Variants in SAMD5 observed in about 807,000 individuals in gnomAD.
The protein encoded by SAMD5 is sterile alpha motif domain containing 5, also known as sterile alpha motif domain-containing protein 5.
A neutral mutation model predicts 11.3 loss-of-function variants in SAMD5; 13 were observed. The ratio of observed to expected loss-of-function variants is 1.15; its 90% CI spans 0.75 to 1.83. The LOEUF is 1.83. SAMD5 is among the 40% of genes most tolerant of loss of function. The pLI is 0.00. For missense variants in SAMD5, 255 were observed against 239.1 expected (o/e 1.07, Z -0.44); for synonymous variants, 129 against 111.3 (o/e 1.16, Z -1.00).
chr6:147,612,229 G>A lies in SAMD5; in HGVS notation c.162+102842G>A, dbSNP rs140205783. Among the ~76,000 whole-genome samples the A allele has an allele frequency of 1.3e-3, 197 of 152,240 alleles. 1 individual carries two copies. The highest frequency in any genetic ancestry group is 4.2e-3 in the African/African-American group (175 of 41,542). ...TGGTTTCCATATGGTGACACATGGAGGAACACTGTCGGTTGGCAGAGACTG... is the reference window on the plus strand; with the variant it reads ...TGGTTTCCATATGGTGACACATGGAAGAACACTGTCGGTTGGCAGAGACTG... On this transcript the variant is annotated intron_variant, in intron 1 of 1. Transcript: ENST00000566741.
the SAMD5 span, among the ~76,000 whole-genome samples, chr6:147,826,538 C>T: frequency 5.3e-5 from 8 of 152,114 alleles, no homozygotes; most frequent in South Asian, 2.1e-4. Context: ...TTTACTCCTC[C>T]GAAGATCACC....
chr6:147,655,547 T>A (rs1790553167), intron 1 of SAMD5, among the ~76,000 whole-genome samples: 3 of 152,198 alleles, frequency 2.0e-5, no homozygotes, highest in Non-Finnish European at 2.9e-5. Context: ...CAGAGTGACT[T>A]TATTAATCAG....
At chr6:147,769,897 G>C in the SAMD5 span, among the ~76,000 whole-genome samples, 1 of 152,206 alleles carries the variant, frequency 6.6e-6, no homozygotes, top group South Asian at 2.1e-4. Context: ...CTGTGAGTTT[G>C]AAATGGCGCA....
Position 147,568,039 on chromosome 6 carries a change from T to C in SAMD5, c.*3583T>C. 1.0e-6 allele frequency: 1 copy of C among 985,426 alleles called. No homozygotes were observed. Among genetic ancestry groups the C allele is most frequent in the Non-Finnish European group, 1.2e-6 (1 of 829,916 alleles). The allele number at this position is 985,426 out of a possible 1,614,324, so 61.0% of individuals were successfully genotyped here. ...TATTTCATTAGCTTTCTTCTCTTTA[T>C]GGCAGCTTCAGATTGATGAATTTGA... On this transcript the variant is annotated 3_prime_UTR_variant, in exon 2 of 2. Coordinates refer to ENST00000367474, the MANE Select transcript of SAMD5 (RefSeq NM_001030060.3).
At chr6:147,904,262 G>A in the SAMD5 span, among the ~76,000 whole-genome samples, 1 of 152,174 alleles carries the variant, frequency 6.6e-6, no homozygotes, top group African/African-American at 2.4e-5. Context: ...CCATTGGCGT[G>A]TGCATGAAAA....
chr6:147,660,357 G>C (rs1790630563), intron 1 of SAMD5, among the ~76,000 whole-genome samples: 1 of 152,144 alleles, frequency 6.6e-6, no homozygotes, highest in African/African-American at 2.4e-5. Flanking sequence ...GGGATTTACA[G>C]AGGGACGTGC....
At chr6:147,530,148 AGG>A (rs1788406110) in intron 1 of SAMD5, among the ~76,000 whole-genome samples, 1 of 152,248 alleles carries the variant, frequency 6.6e-6, no homozygotes, top group South Asian at 2.1e-4. Flanking sequence ...AACATATTAG[AGG>A]TTTCGCTGCA....
At chr6:147,744,143 A>G in the SAMD5 span, among the ~76,000 whole-genome samples, 1 of 152,224 alleles carries the variant, frequency 6.6e-6, no homozygotes, top group Admixed American at 6.5e-5. Context: ...GTGAACATTT[A>G]ATATTCTTTC....
Position 147,566,140 on chromosome 6 carries a change from G to A in SAMD5, c.*1684G>A, listed in dbSNP as rs1399443031. On this transcript the variant is annotated 3_prime_UTR_variant, in exon 2 of 2. Coordinates refer to ENST00000367474, the MANE Select transcript of SAMD5 (RefSeq NM_001030060.3). Reference sequence around the variant, plus strand: ...AAGTTTAAATAGTTTAGCTATTTCTGTAGGTTAATTCAGGCACTGACTAAA... The same window carrying A: ...AAGTTTAAATAGTTTAGCTATTTCTATAGGTTAATTCAGGCACTGACTAAA... 1.2e-5 allele frequency: 12 copies of A among 981,446 alleles called. No individual in the cohort carries two copies. Among genetic ancestry groups the A allele is most frequent in the African/African-American group, 7.0e-5 (4 of 57,152 alleles). 60.8% of individuals were successfully genotyped at this position (981,446 alleles called of 1,614,324 possible).
intron 1 of SAMD5, among the ~76,000 whole-genome samples, chr6:147,610,737 C>T (rs1206675283): frequency 6.6e-6 from 1 of 151,822 alleles, no homozygotes; most frequent in Non-Finnish European, 1.5e-5. Flanking sequence ...CTCATTGTTG[C>T]AGTGTCTGCA....
the SAMD5 span, among the ~76,000 whole-genome samples, chr6:147,818,927 C>T: frequency 1.3e-5 from 2 of 152,138 alleles, no homozygotes; most frequent in East Asian, 3.9e-4. Flanking sequence ...GGCGATTACT[C>T]AAAGAGCTAA....
At position 147,566,229 on chromosome 6, in the gene SAMD5, CTTAAA is replaced by C. The variant is rs1344499310; in HGVS notation, c.*1777_*1781del. On this transcript the variant is annotated 3_prime_UTR_variant, in exon 2 of 2. Transcript: ENST00000367474. Reference sequence around the variant, plus strand: ...ATTTTAAAAGCATGTATAGGTTGTCCTTAAATTATACAAAAGCTTTTAGTTTCATC... The same window carrying C: ...ATTTTAAAAGCATGTATAGGTTGTCCTTATACAAAAGCTTTTAGTTTCATC... 1.0e-6 allele frequency: 1 copy of C among 977,140 alleles called. No individual in the cohort carries two copies. The highest frequency in any genetic ancestry group is 1.2e-6 in the Non-Finnish European group (1 of 822,784). 60.5% of individuals were successfully genotyped at this position (977,140 alleles called of 1,614,324 possible). A position where few individuals can be genotyped will look rare whatever the true frequency, so the allele number is the denominator to read the frequency against.
the SAMD5 span, among the ~76,000 whole-genome samples, chr6:147,952,621 C>T: frequency 6.6e-6 from 1 of 152,176 alleles, no homozygotes; most frequent in African/African-American, 2.4e-5. Context: ...AGTGATTCTC[C>T]TGCCTCAGCC....
chr6:147,768,348 A>T, the SAMD5 span, among the ~76,000 whole-genome samples: 2 of 152,074 alleles, frequency 1.3e-5, no homozygotes, highest in African/African-American at 4.8e-5. Context: ...AAATACAAAA[A>T]TTAGCCGGGC....
intron 1 of SAMD5, among the ~76,000 whole-genome samples, chr6:147,668,333 A>G (rs1790749880): frequency 6.6e-6 from 1 of 152,186 alleles, no homozygotes; most frequent in Non-Finnish European, 1.5e-5. Context: ...CCACATCAAT[A>G]CATAAGACTC....
At chr6:147,908,784 T>G in the SAMD5 span, among the ~76,000 whole-genome samples, 2 of 152,170 alleles carry the variant, frequency 1.3e-5, no homozygotes, top group Non-Finnish European at 2.9e-5. Context: ...GCTTACCCAA[T>G]TCAAACCCTA....
chr6:147,559,656 G>A (rs929543633), intron 1 of SAMD5, among the ~76,000 whole-genome samples: 1 of 152,150 alleles, frequency 6.6e-6, no homozygotes, highest in Non-Finnish European at 1.5e-5. Context: ...AGTGAGAAGA[G>A]TTTATAATTA....
the SAMD5 span, among the ~76,000 whole-genome samples, chr6:147,781,117 G>T: frequency 6.0e-5 from 9 of 150,702 alleles, no homozygotes; most frequent in East Asian, 1.6e-3. Flanking sequence ...TTTGTCATCT[G>T]CCTCAAATTT....
chr6:147,634,873 A>T (rs1790202785), intron 1 of SAMD5, among the ~76,000 whole-genome samples: 1 of 152,190 alleles, frequency 6.6e-6, no homozygotes, highest in Non-Finnish European at 1.5e-5. Flanking sequence ...GGTTTGATGT[A>T]CTAGATTAAA....
Sources: gnomAD v4.1 joint callset for allele counts (sites outside exome capture counted in the v4.1 genomes callset) on GRCh38, gnomAD v4.1.1 for gene constraint, MANE v1.5 for transcripts, NCBI Gene and HGNC (gene_info 2026-07-23, HGNC 2026-07-21) for gene names.